TBCD: variants seen among roughly 807,000 people sequenced by gnomAD.
The protein encoded by TBCD is tubulin folding cofactor D.
In TBCD, 105 loss-of-function variants were observed where a neutral mutation model predicts 169.3. That is an observed-to-expected ratio of 0.62 (90% CI 0.53 to 0.73). The LOEUF (loss-of-function observed/expected upper bound fraction) is 0.73, where lower values mean the gene tolerates loss of function less well. Ranked by LOEUF, TBCD falls within the 30% of genes least tolerant of loss-of-function variation. The pLI, the probability that TBCD is intolerant of heterozygous loss-of-function variation, is 0.00. For synonymous variants in TBCD, 700 were observed against 643.9 expected, an observed-to-expected ratio of 1.09 and a Z score of -1.32; for missense variants, 1,444 against 1,600.1, an observed-to-expected ratio of 0.90 and a Z score of 1.66.
chr17:82,836,194 A>G (rs1383391239), intron 13 of TBCD, among the ~76,000 whole-genome samples: 3 of 152,238 alleles, frequency 2.0e-5, no homozygotes, highest in African/African-American at 7.2e-5. Flanking sequence ...CCCTTCAGGA[A>G]GTAGAGAAGC....
intron 13 of TBCD, among the ~76,000 whole-genome samples, chr17:82,856,450 A>C (rs2056287342): frequency 6.6e-6 from 1 of 151,968 alleles, no homozygotes; most frequent in Admixed American, 6.5e-5. Context: ...CTACAAAGAA[A>C]AAAAGAAAAA....
intron 13 of TBCD, among the ~76,000 whole-genome samples, chr17:82,854,287 C>T (rs2056066585): frequency 6.6e-6 from 1 of 152,346 alleles, no homozygotes; most frequent in East Asian, 1.9e-4. Flanking sequence ...ACAGTTGATT[C>T]AGCACCCCAA....
At chr17:82,776,814 G>GC (rs1418900172) in intron 6 of TBCD, among the ~76,000 whole-genome samples, 1 of 152,208 alleles carries the variant, frequency 6.6e-6, no homozygotes, top group Non-Finnish European at 1.5e-5. Flanking sequence ...TCTCTGAGCA[G>GC]TGCTTTGGTG....
chr17:82,753,423 G>A (rs12943159), intron 1 of TBCD, among the ~76,000 whole-genome samples: 18,142 of 147,238 alleles, frequency 0.12, 1,389 homozygotes, highest in Admixed American at 0.18. Flanking sequence ...TTTGTTCCTG[G>A]TGTAACAGCC....
At chr17:82,761,040 A>G (rs1401757851) in intron 2 of TBCD, among the ~76,000 whole-genome samples, 4 of 151,344 alleles carry the variant, frequency 2.6e-5, no homozygotes, top group Non-Finnish European at 5.9e-5. Flanking sequence ...GCTCACTGCA[A>G]CCTCCTTCTC....
At chr17:82,786,196 G>A (rs2049307057) in intron 7 of TBCD, among the ~76,000 whole-genome samples, 1 of 152,096 alleles carries the variant, frequency 6.6e-6, no homozygotes, top group Non-Finnish European at 1.5e-5. Flanking sequence ...CAGGATCTGA[G>A]GTGGCTTCGA....
rs1392048231 is a variant in TBCD at position 82,789,072 on chromosome 17, G to A, written c.771+7351G>A. Among the ~76,000 whole-genome samples, 1 of 152,156 alleles carries A rather than the reference G, an allele frequency of 6.6e-6. No individual in the cohort carries two copies. Among genetic ancestry groups the A allele is most frequent in the Admixed American group, 6.5e-5 (1 of 15,274 alleles). On this transcript the variant is annotated intron_variant, in intron 7 of 38. Coordinates refer to ENST00000355528, the MANE Select transcript of TBCD (RefSeq NM_005993.5). The surrounding 1 kb of genome is among the most constrained non-coding windows in gnomAD (Gnocchi z 4.8). ...CCTTTTTAGTTGTAGTGCTCTCTTG[G>A]GGCAAGGTTTTGGATGGAGAAAATA...
chr17:82,911,859 TGGCGTGCAGGGCGGCC>T (rs1235740409), intron 23 of TBCD, 70 bp downstream of exon 23: 30 of 1,570,594 alleles, frequency 1.9e-5, no homozygotes, highest in Non-Finnish European at 2.4e-5. Context: ...GGTGTGCTCG[TGGCGTGCAGGGCGGCC>T]CATTAGCCCC....
Position 82,803,018 on chromosome 17 carries a change from C to T in TBCD, c.950+2022C>T, listed in dbSNP as rs116896100. ...TTGTGTTTTTCTCTTCCGTCTTTCTCTACGTTTCCTGTATTTCTAACTTTT... is the reference window on the plus strand; with the variant it reads ...TTGTGTTTTTCTCTTCCGTCTTTCTTTACGTTTCCTGTATTTCTAACTTTT... On this transcript the variant is annotated intron_variant, in intron 9 of 38. Transcript: ENST00000355528. Among the ~76,000 whole-genome samples the T allele has an allele frequency of 2.5e-3, 386 of 152,364 alleles. 10 individuals carry two copies. The East Asian group carries it at 0.067, about 27-fold the overall frequency.
chr17:82,805,228 TG>T (rs1555690092), intron 9 of TBCD, among the ~76,000 whole-genome samples: 1 of 151,980 alleles, frequency 6.6e-6, no homozygotes, highest in Non-Finnish European at 1.5e-5. Flanking sequence ...GAGGGGGAAG[TG>T]GGGGCATGGA....
intron 23 of TBCD, among the ~76,000 whole-genome samples, chr17:82,917,597 G>T (rs1192428728): frequency 6.6e-6 from 1 of 152,234 alleles, no homozygotes; most frequent in Non-Finnish European, 1.5e-5. Context: ...CTCCCAGAGA[G>T]ACTTGATGTT....
chr17:82,893,017 GC>G (rs2059247794), intron 16 of TBCD: 2 of 152,536 alleles, frequency 1.3e-5, no homozygotes, highest in African/African-American at 4.8e-5. Flanking sequence ...GGCTGGGCCA[GC>G]TGCCCCCAGT....
At chr17:82,928,077 G>GCAAATGCCACTGA in intron 30 of TBCD, 89 bp downstream of exon 30, 3 of 1,223,722 alleles carry the variant, frequency 2.5e-6, no homozygotes, top group Non-Finnish European at 3.5e-6. Flanking sequence ...GGTGCTCAGT[G>GCAAATGCCACTGA]GCATTTGCAC....
chr17:82,945,678 T>C lies in TBCD; in HGVS notation c.*3215T>C, dbSNP rs1278868883. The C allele has an allele frequency of 6.6e-6, 1 of 152,210 alleles. No individual in the cohort carries two copies. Among genetic ancestry groups the C allele is most frequent in the Non-Finnish European group, 1.5e-5 (1 of 68,036 alleles). 9.4% of individuals were successfully genotyped at this position (152,210 alleles called of 1,614,324 possible). ...GTTGAGTCATTTGTTTTGAGAGCTG[T>C]CCTGTTTATTGCAGGGTGTTCAGCA... On this transcript the variant is annotated 3_prime_UTR_variant, in exon 39 of 39. Coordinates refer to ENST00000355528, the MANE Select transcript of TBCD (RefSeq NM_005993.5).
chr17:82,865,367 T>C (rs2145875996), intron 13 of TBCD: 1 of 761,820 alleles, frequency 1.3e-6, no homozygotes, highest in Non-Finnish European at 1.6e-6. Flanking sequence ...GGCTCCACGC[T>C]GAGGGTCCCT....
chr17:82,821,832 G>C (rs78060642), intron 13 of TBCD, among the ~76,000 whole-genome samples: 449 of 152,256 alleles, frequency 2.9e-3, no homozygotes, highest in South Asian at 4.8e-3. Flanking sequence ...AATACAGACT[G>C]CCTAACTCTT....
intron 13 of TBCD, among the ~76,000 whole-genome samples, chr17:82,853,060 T>C (rs963670026): frequency 2.0e-5 from 3 of 152,176 alleles, no homozygotes; most frequent in African/African-American, 7.2e-5. Context: ...CTACTCAGCT[T>C]TCTCTCTCTC....
intron 13 of TBCD, among the ~76,000 whole-genome samples, chr17:82,861,746 G>T (rs1049438484): frequency 2.0e-5 from 3 of 152,160 alleles, no homozygotes; most frequent in Non-Finnish European, 4.4e-5. Context: ...TCTCTTCTAG[G>T]GAGTGAGTCG....
chr17:82,876,156 C>T (rs974261245), intron 14 of TBCD, among the ~76,000 whole-genome samples: 1 of 152,092 alleles, frequency 6.6e-6, no homozygotes, highest in African/African-American at 2.4e-5. Flanking sequence ...GCTGTACCTG[C>T]CGAAAATGAG....
Sources: allele counts gnomAD v4.1 joint callset (sites outside exome capture counted in the v4.1 genomes callset), GRCh38; gene constraint gnomAD v4.1.1; non-coding constraint Gnocchi (gnomAD v3.1); transcripts MANE v1.5; gene names NCBI Gene and HGNC (gene_info 2026-07-23, HGNC 2026-07-21).